The following TMTC2 variants were observed in gnomAD, a reference collection of about 807,000 sequenced individuals.
TMTC2 encodes the protein transmembrane O-mannosyltransferase targeting cadherins 2.
A neutral mutation model predicts 82.4 loss-of-function variants in TMTC2; 43 were observed. That is an observed-to-expected ratio of 0.52 (90% CI 0.41 to 0.67). The LOEUF (loss-of-function observed/expected upper bound fraction) is 0.67, where lower values mean the gene tolerates loss of function less well. TMTC2 is among the 30% of genes least tolerant of loss of function. TMTC2 has a pLI of 0.00. For synonymous variants in TMTC2, 408 were observed against 381.9 expected, an observed-to-expected ratio of 1.07 and a Z score of -0.80; for missense variants, 919 against 1,012.4, an observed-to-expected ratio of 0.91 and a Z score of 1.25.
At chr12:82,855,802 T>A (rs979789223) in intron 1 of TMTC2, among the ~76,000 whole-genome samples, 3 of 152,256 alleles carry the variant, frequency 2.0e-5, no homozygotes, top group African/African-American at 7.2e-5. Context: ...TTCAACAGCT[T>A]TATTCTGAGC....
chr12:82,803,644 G>C (rs974573690), intron 1 of TMTC2, among the ~76,000 whole-genome samples: 1 of 151,948 alleles, frequency 6.6e-6, no homozygotes, highest in African/African-American at 2.4e-5. Context: ...AAAATGCTTC[G>C]GTTGAGCATG....
At position 82,864,533 on chromosome 12, in the gene TMTC2, C is replaced by CT. The variant is rs568134945; in HGVS notation, c.654+6954dup. Among the ~76,000 whole-genome samples, 714 of 130,392 alleles carry CT rather than the reference C, an allele frequency of 5.5e-3. 5 individuals are homozygous for CT. Among genetic ancestry groups the CT allele is most frequent in the Non-Finnish European group, 8.8e-3 (563 of 64,296 alleles). 85.5% of individuals were successfully genotyped at this position (130,392 alleles called of 152,430 possible). A position where few individuals can be genotyped will look rare whatever the true frequency, so the allele number is the denominator to read the frequency against. On this transcript the variant is annotated intron_variant, in intron 2 of 11. Transcript: ENST00000321196. ...TTTTTTTTTTTGAGAGACGGAGTCTCTGTCTGTCGCCACGCTGGAGTGCAG... is the reference window on the plus strand; with the variant it reads ...TTTTTTTTTTTGAGAGACGGAGTCTCTTGTCTGTCGCCACGCTGGAGTGCAG...
At position 82,811,093 on chromosome 12, in the gene TMTC2, G is replaced by C. The variant is rs187329291; in HGVS notation, c.84-45917G>C. 5.2e-3 allele frequency among the ~76,000 whole-genome samples: 788 copies of C among 152,108 alleles called. 4 individuals carry two copies. The highest frequency in any genetic ancestry group is 0.018 in the African/African-American group (756 of 41,510). ...AAAAATACAAAAAAATTAGCCAGGCGTGGTGGCCTGTAATCCCAGCTACTT... is the reference window on the plus strand; with the variant it reads ...AAAAATACAAAAAAATTAGCCAGGCCTGGTGGCCTGTAATCCCAGCTACTT... On this transcript the variant is annotated intron_variant, in intron 1 of 11. Coordinates refer to ENST00000321196, the MANE Select transcript of TMTC2 (RefSeq NM_152588.3).
At chr12:83,033,899 T>C (rs1881557630) in intron 9 of TMTC2, among the ~76,000 whole-genome samples, 1 of 150,280 alleles carries the variant, frequency 6.7e-6, no homozygotes. Flanking sequence ...TATATATATA[T>C]ATATGTATAT....
At chr12:83,064,072 A>T (rs1882835937) in intron 11 of TMTC2, among the ~76,000 whole-genome samples, 2 of 151,762 alleles carry the variant, frequency 1.3e-5, no homozygotes, top group Admixed American at 6.6e-5. Context: ...CTGTGAATAT[A>T]CATAATTCAT....
rs79180737 is a variant in TMTC2, at chr12:82,999,371, C to T, written c.2070+13325C>T. 6.6e-3 allele frequency among the ~76,000 whole-genome samples: 1,009 copies of T among 152,262 alleles called. 16 individuals carry two copies. The highest frequency in any genetic ancestry group is 0.023 in the African/African-American group (962 of 41,528). On this transcript the variant is annotated intron_variant, in intron 8 of 11. Coordinates refer to ENST00000321196, the MANE Select transcript of TMTC2 (RefSeq NM_152588.3). ...TCATGATATCAAGGATATCTATTAG[C>T]GATGTGACTTATCATTGTTTATGCT...
intron 1 of TMTC2, among the ~76,000 whole-genome samples, chr12:82,765,400 C>T (rs758527348): frequency 1.1e-4 from 16 of 152,192 alleles, no homozygotes; most frequent in African/African-American, 1.7e-4. Context: ...GCTGGCCGGG[C>T]GCGGCAGCTC....
At chr12:83,105,301 T>C (rs1884357686) in intron 11 of TMTC2, among the ~76,000 whole-genome samples, 1 of 152,198 alleles carries the variant, frequency 6.6e-6, no homozygotes, top group Non-Finnish European at 1.5e-5. Context: ...CATTTTCAGG[T>C]ACCTTTATAG....
chr12:83,109,221 G>A (rs75700007), intron 11 of TMTC2, among the ~76,000 whole-genome samples: 5,522 of 152,208 alleles, frequency 0.036, 162 homozygotes, highest in Non-Finnish European at 0.053. Context: ...GCTTCTGGGG[G>A]GGCCTCAGGA....
intron 1 of TMTC2, among the ~76,000 whole-genome samples, chr12:82,782,613 T>G (rs142783670): frequency 7.5e-4 from 114 of 152,304 alleles, no homozygotes; most frequent in African/African-American, 2.7e-3. Context: ...GAGAGCTGAT[T>G]ACAAAGGCAC....
intron 1 of TMTC2, among the ~76,000 whole-genome samples, chr12:82,747,847 A>G (rs1004611277): frequency 6.6e-6 from 1 of 152,218 alleles, no homozygotes. Context: ...TAGTTCTAAT[A>G]TGAAGAATCA....
In TMTC2 at chr12:82,736,438, G is replaced by C. The variant is rs570573888; in HGVS notation, c.83+48769G>C. 2.4e-4 allele frequency among the ~76,000 whole-genome samples: 36 copies of C among 152,160 alleles called. 1 individual carries two copies. In the South Asian group the frequency reaches 4.6e-3, roughly 19 times the overall value. ...TGTTCATATAGTAACACATCTGTCA[G>C]TTTTTACTTTTTTGTTTGATTCCTC... On this transcript the variant is annotated intron_variant, in intron 1 of 11. Transcript: ENST00000321196.
At chr12:83,128,465 A>G (rs1885160730) in intron 11 of TMTC2, among the ~76,000 whole-genome samples, 1 of 152,104 alleles carries the variant, frequency 6.6e-6, no homozygotes, top group Non-Finnish European at 1.5e-5. Context: ...GACCAAGAGA[A>G]GAATTCTATT....
At chr12:83,100,481 A>T (rs1462748174) in intron 11 of TMTC2, among the ~76,000 whole-genome samples, 1 of 152,200 alleles carries the variant, frequency 6.6e-6, no homozygotes, top group Non-Finnish European at 1.5e-5. Flanking sequence ...AGAAAATGGT[A>T]AAGTGAGGAT....
chr12:83,107,921 G>T (rs1227266346), intron 11 of TMTC2, among the ~76,000 whole-genome samples: 1 of 151,902 alleles, frequency 6.6e-6, no homozygotes, highest in Admixed American at 6.6e-5. Context: ...GGTGGGAGGT[G>T]ACTGAATCAA....
At chr12:83,052,062 G>A (rs928013093) in intron 10 of TMTC2, among the ~76,000 whole-genome samples, 2 of 151,926 alleles carry the variant, frequency 1.3e-5, no homozygotes, top group Non-Finnish European at 2.9e-5. Flanking sequence ...CTACTTAAAT[G>A]CTTCATTAAA....
intron 4 of TMTC2, among the ~76,000 whole-genome samples, chr12:82,941,974 G>C (rs1876744236): frequency 6.6e-6 from 1 of 152,100 alleles, no homozygotes; most frequent in Non-Finnish European, 1.5e-5. Flanking sequence ...TTGAACTCCT[G>C]ACTTCAAGTG....
chr12:82,808,656 T>G (rs890804638), intron 1 of TMTC2, among the ~76,000 whole-genome samples: 3 of 152,138 alleles, frequency 2.0e-5, no homozygotes, highest in Admixed American at 6.5e-5. Flanking sequence ...GCAAAATTTG[T>G]ACTTGCGTCT....
chr12:83,127,672 G>A (rs1156500634), intron 11 of TMTC2, among the ~76,000 whole-genome samples: 1 of 151,990 alleles, frequency 6.6e-6, no homozygotes, highest in African/African-American at 2.4e-5. Flanking sequence ...GATAAGCTTA[G>A]GCCAGAACAA....
Sources: gnomAD v4.1 joint callset for allele counts (sites outside exome capture counted in the v4.1 genomes callset) on GRCh38, gnomAD v4.1.1 for gene constraint, MANE v1.5 for transcripts, NCBI Gene and HGNC (gene_info 2026-07-23, HGNC 2026-07-21) for gene names.